Variants in MTUS2 observed in about 807,000 individuals in gnomAD.
The protein encoded by MTUS2 is microtubule associated scaffold protein 2.
MTUS2 carries 40 observed loss-of-function variants against 114.1 expected under a neutral mutation model. The ratio of observed to expected loss-of-function variants is 0.35; its 90% CI spans 0.27 to 0.46. The LOEUF (loss-of-function observed/expected upper bound fraction) is 0.46, where lower values mean the gene tolerates loss of function less well. Ranked by LOEUF, MTUS2 falls within the 20% of genes least tolerant of loss-of-function variation. The pLI is 1.00. For synonymous variants in MTUS2, 688 were observed against 672.0 expected (o/e 1.02, Z -0.37); for missense variants, 1,679 against 1,705.4 (o/e 0.98, Z 0.27).
At chr13:29,350,313 G>T (rs1869119451) in intron 7 of MTUS2, among the ~76,000 whole-genome samples, 1 of 150,496 alleles carries the variant, frequency 6.6e-6, no homozygotes, top group Non-Finnish European at 1.5e-5. Context: ...TAGGTTGTTG[G>T]TAGAGTCTAT....
intron 2 of MTUS2, among the ~76,000 whole-genome samples, chr13:28,881,049 AG>A (rs748039337): frequency 1.4e-4 from 22 of 152,010 alleles, no homozygotes; most frequent in Non-Finnish European, 3.1e-4. Flanking sequence ...TGTAGTGGTG[AG>A]GTTTTGGCTT....
At chr13:29,460,516 C>G (rs541358038) in intron 9 of MTUS2, among the ~76,000 whole-genome samples, 1 of 152,160 alleles carries the variant, frequency 6.6e-6, no homozygotes, top group Non-Finnish European at 1.5e-5. Context: ...TCACTTTTTT[C>G]TTCCCATCAG....
intron 9 of MTUS2, among the ~76,000 whole-genome samples, chr13:29,458,382 C>T (rs1879261871): frequency 6.6e-6 from 1 of 152,208 alleles, no homozygotes; most frequent in South Asian, 2.1e-4. Context: ...AATGTCTGTT[C>T]CGCATAAAAG....
intron 5 of MTUS2, among the ~76,000 whole-genome samples, chr13:29,231,331 C>T (rs1896315640): frequency 1.3e-5 from 2 of 152,134 alleles, no homozygotes; most frequent in South Asian, 4.1e-4. Context: ...TTCCAACACA[C>T]AAAACTAAAT....
intron 4 of MTUS2, among the ~76,000 whole-genome samples, chr13:29,060,330 TTC>T (rs1330284083): frequency 6.6e-6 from 1 of 152,056 alleles, no homozygotes; most frequent in African/African-American, 2.4e-5. Flanking sequence ...GATTCTTCTG[TTC>T]CCAGTTTTCT....
intron 4 of MTUS2, among the ~76,000 whole-genome samples, chr13:29,041,074 A>G (rs1215149425): frequency 6.6e-6 from 1 of 152,096 alleles, no homozygotes; most frequent in African/African-American, 2.4e-5. Flanking sequence ...ATCTTCTAGA[A>G]TTTTTGTGGT....
chr13:28,929,305 T>C (rs1169057457), intron 2 of MTUS2, among the ~76,000 whole-genome samples: 1 of 152,154 alleles, frequency 6.6e-6, no homozygotes, highest in Admixed American at 6.5e-5. Context: ...TCAGGATAGC[T>C]AGAAGAGAAT....
intron 5 of MTUS2, among the ~76,000 whole-genome samples, chr13:29,218,449 C>T (rs1167058497): frequency 6.6e-6 from 1 of 152,170 alleles, no homozygotes. Context: ...TGACTTCTTC[C>T]TGTGAATTAG....
intron 4 of MTUS2, among the ~76,000 whole-genome samples, chr13:29,069,415 CT>C (rs1888809152): frequency 6.6e-6 from 1 of 152,180 alleles, no homozygotes; most frequent in African/African-American, 2.4e-5. Context: ...CTTCGTCTAC[CT>C]TTTTGCTCTT....
At chr13:29,051,700 T>C (rs766524094) in intron 4 of MTUS2, among the ~76,000 whole-genome samples, 1 of 152,202 alleles carries the variant, frequency 6.6e-6, no homozygotes, top group Non-Finnish European at 1.5e-5. Context: ...TGAATGCCAC[T>C]GGGCAGTTGG....
chr13:29,260,367 C>T (rs926682270), intron 5 of MTUS2, among the ~76,000 whole-genome samples: 1 of 152,176 alleles, frequency 6.6e-6, no homozygotes, highest in Non-Finnish European at 1.5e-5. Flanking sequence ...CAGTTTCTGA[C>T]TGAGACTGAG....
rs752877227 is a variant in MTUS2, at chr13:29,026,576, G to A, written c.1878G>A (p.Arg626=). 6.2e-6 allele frequency: 10 copies of A among 1,613,722 alleles called. No individual in the cohort carries two copies. Among genetic ancestry groups the A allele is most frequent in the African/African-American group, 4.0e-5 (3 of 74,898 alleles). ...ENYQVEKTEE[R]TETKPIIMPK... ...ATCAGGTTGAAAAAACAGAGGAGAG[G>A]ACAGAAACTAAGCCCATCATTATGC... Residue 626 remains arginine (R), a synonymous_variant, in exon 3 of 16, where the codon AGG becomes AGA. Transcript: ENST00000612955.
intron 3 of MTUS2, among the ~76,000 whole-genome samples, chr13:29,028,089 C>T (rs1886643982): frequency 7.0e-6 from 1 of 143,680 alleles, no homozygotes; most frequent in Non-Finnish European, 1.5e-5. Context: ...GACAGCGGCT[C>T]ACACCTGTAA....
intron 6 of MTUS2, among the ~76,000 whole-genome samples, chr13:29,284,099 A>G (rs898379802): frequency 4.6e-5 from 7 of 152,200 alleles, no homozygotes; most frequent in African/African-American, 1.7e-4. Flanking sequence ...AATATAGTAC[A>G]TGGAGTGATT....
intron 5 of MTUS2, among the ~76,000 whole-genome samples, chr13:29,181,750 G>A (rs1197169653): frequency 1.3e-5 from 2 of 151,600 alleles, no homozygotes. Context: ...TCTGTTATAT[G>A]TAGAGCTTTT....
intron 4 of MTUS2, among the ~76,000 whole-genome samples, chr13:29,064,143 G>A (rs1013686920): frequency 6.6e-6 from 1 of 152,162 alleles, no homozygotes; most frequent in East Asian, 1.9e-4. Flanking sequence ...CTGTATTAAC[G>A]AGGGCTTCAT....
At position 29,480,395 on chromosome 13, in the gene MTUS2, G is replaced by T; in HGVS notation, c.3399+31G>T. On this transcript the variant is annotated intron_variant, in intron 10 of 15. Coordinates refer to ENST00000612955, the MANE Select transcript of MTUS2 (RefSeq NM_001033602.4). This position sits in a 1 kb window ranked among gnomAD's most constrained non-coding sequence, Gnocchi z 4.4. Reference sequence around the variant, plus strand: ...TCTGCAGTGCGGCTCGAGCTCTGCTGTTGGGTGATGCAGGTGGCGGGCGGC... The same window carrying T: ...TCTGCAGTGCGGCTCGAGCTCTGCTTTTGGGTGATGCAGGTGGCGGGCGGC... 6.8e-7 allele frequency: 1 copy of T among 1,478,546 alleles called. No homozygotes were observed. Among genetic ancestry groups the T allele is most frequent in the Non-Finnish European group, 9.0e-7 (1 of 1,111,524 alleles). 91.6% of individuals were successfully genotyped at this position (1,478,546 alleles called of 1,614,324 possible). A position where few individuals can be genotyped will look rare whatever the true frequency, so the allele number is the denominator to read the frequency against.
chr13:29,440,860 C>T (rs1877788090), intron 9 of MTUS2, among the ~76,000 whole-genome samples: 3 of 152,138 alleles, frequency 2.0e-5, no homozygotes, highest in Admixed American at 2.0e-4. Flanking sequence ...TGGCAAGTAG[C>T]CAGCCATGCG....
At chr13:29,252,986 G>C (rs1897174542) in intron 5 of MTUS2, among the ~76,000 whole-genome samples, 1 of 151,832 alleles carries the variant, frequency 6.6e-6, no homozygotes, top group Non-Finnish European at 1.5e-5. Flanking sequence ...GAAGTAGGGA[G>C]AACATTCTTC....
Sources: allele counts gnomAD v4.1 joint callset (sites outside exome capture counted in the v4.1 genomes callset), GRCh38; gene constraint gnomAD v4.1.1; non-coding constraint Gnocchi (gnomAD v3.1); transcripts MANE v1.5; gene names NCBI Gene and HGNC (gene_info 2026-07-23, HGNC 2026-07-21).